The following HDAC4 variants were observed in gnomAD, a reference collection of about 807,000 sequenced individuals.
HDAC4 encodes histone deacetylase 4.
In HDAC4, 16 loss-of-function variants were observed where a neutral mutation model predicts 135.1. The ratio of observed to expected loss-of-function variants is 0.12; its 90% CI spans 0.08 to 0.18. HDAC4 has a LOEUF of 0.18. Ranked by LOEUF, HDAC4 falls within the 10% of genes least tolerant of loss-of-function variation. HDAC4 has a pLI of 1.00. For synonymous variants in HDAC4, 685 were observed against 653.4 expected, an observed-to-expected ratio of 1.05 and a Z score of -0.74; for missense variants, 1,143 against 1,511.8, an observed-to-expected ratio of 0.76 and a Z score of 4.05.
At chr2:239,347,527 T>C (rs575785990) in intron 2 of HDAC4, among the ~76,000 whole-genome samples, 1 of 152,236 alleles carries the variant, frequency 6.6e-6, no homozygotes, top group African/African-American at 2.4e-5. Flanking sequence ...CCTTTTTTTT[T>C]GTTTTGAGAC....
chr2:239,171,640 A>G (rs1398263649), intron 5 of HDAC4, among the ~76,000 whole-genome samples: 1 of 152,226 alleles, frequency 6.6e-6, no homozygotes, highest in Non-Finnish European at 1.5e-5. Context: ...GTATAAAACA[A>G]CAGATTTAGG....
intron 3 of HDAC4, among the ~76,000 whole-genome samples, chr2:239,228,656 A>C (rs2047376973): frequency 6.6e-6 from 1 of 152,270 alleles, no homozygotes; most frequent in African/African-American, 2.4e-5. Flanking sequence ...AGATATTGGG[A>C]AGGACTGGAG....
chr2:239,137,809 G>A (rs1478071170), intron 9 of HDAC4, among the ~76,000 whole-genome samples: 1 of 152,208 alleles, frequency 6.6e-6, no homozygotes, highest in African/African-American at 2.4e-5. Context: ...ACATGCAAAG[G>A]CTGCCCGTGC....
At chr2:239,393,132 C>T (rs572974874) in intron 1 of HDAC4, among the ~76,000 whole-genome samples, 10 of 152,298 alleles carry the variant, frequency 6.6e-5, no homozygotes, top group African/African-American at 2.2e-4. Flanking sequence ...GTGTGAGCCA[C>T]CTTCTTCACC....
At chr2:239,335,927 T>C (rs1489149774) in intron 2 of HDAC4, among the ~76,000 whole-genome samples, 3 of 152,184 alleles carry the variant, frequency 2.0e-5, no homozygotes, top group Non-Finnish European at 4.4e-5. Flanking sequence ...AATTGAAATA[T>C]ACAAGAATGT....
chr2:239,399,131 G>C (rs941005238), intron 1 of HDAC4, among the ~76,000 whole-genome samples: 2 of 152,138 alleles, frequency 1.3e-5, no homozygotes, highest in Admixed American at 6.5e-5. Flanking sequence ...GGGAAAGCCC[G>C]ATCAGTCTTA....
chr2:239,319,319 C>T (rs994480698), intron 2 of HDAC4, among the ~76,000 whole-genome samples: 5 of 152,252 alleles, frequency 3.3e-5, no homozygotes, highest in Non-Finnish European at 5.9e-5. Flanking sequence ...GGAAGCCACA[C>T]ACACCCAGAT....
chr2:239,222,033 G>A (rs962678411), intron 3 of HDAC4, among the ~76,000 whole-genome samples: 6 of 152,140 alleles, frequency 3.9e-5, no homozygotes, highest in Non-Finnish European at 7.4e-5. Context: ...ATCCAAATGC[G>A]GCTGTAAACT....
At chr2:239,184,283 A>ATGGTGG (rs1340615378) in intron 4 of HDAC4, among the ~76,000 whole-genome samples, 1 of 151,334 alleles carries the variant, frequency 6.6e-6, no homozygotes, top group Non-Finnish European at 1.5e-5. Context: ...GCTGTGCCCT[A>ATGGTGG]TGGGGGGGTC....
intron 1 of HDAC4, among the ~76,000 whole-genome samples, chr2:239,366,484 A>T (rs1694223925): frequency 6.6e-6 from 1 of 152,242 alleles, no homozygotes. Flanking sequence ...AGTCTGCGTA[A>T]GCATAAGAGT....
At chr2:239,347,086 C>T (rs1277894052) in intron 2 of HDAC4, among the ~76,000 whole-genome samples, 2 of 149,418 alleles carry the variant, frequency 1.3e-5, no homozygotes, top group Non-Finnish European at 2.9e-5. Flanking sequence ...CACCCTAACA[C>T]ACACTCTAAC....
intron 2 of HDAC4, among the ~76,000 whole-genome samples, chr2:239,332,377 A>T (rs1691646521): frequency 1.3e-5 from 2 of 152,326 alleles, no homozygotes; most frequent in African/African-American, 4.8e-5. Flanking sequence ...TAAAAACTGA[A>T]ATTACATAAA....
chr2:239,101,967 G>A (rs551809956), intron 16 of HDAC4, among the ~76,000 whole-genome samples: 3 of 150,084 alleles, frequency 2.0e-5, no homozygotes, highest in African/African-American at 7.4e-5. Flanking sequence ...TCTGGGTTCT[G>A]TGTCCTGGGA....
intron 2 of HDAC4, among the ~76,000 whole-genome samples, chr2:239,251,463 C>T (rs1021981278): frequency 1.3e-5 from 2 of 152,084 alleles, no homozygotes; most frequent in African/African-American, 4.8e-5. Context: ...GGTGTGGTGG[C>T]GTGTGACTGT....
chr2:239,067,603 G>A (rs991098801), intron 23 of HDAC4, among the ~76,000 whole-genome samples: 3 of 152,222 alleles, frequency 2.0e-5, no homozygotes, highest in African/African-American at 4.8e-5. Flanking sequence ...GCTGTGGGGC[G>A]TTGGGCACAG....
At chr2:239,380,891 G>A (rs117645261) in intron 1 of HDAC4, among the ~76,000 whole-genome samples, 4 of 152,176 alleles carry the variant, frequency 2.6e-5, no homozygotes, top group East Asian at 1.9e-4. Flanking sequence ...CGGTTTAAAC[G>A]TTCCCGTACA....
At chr2:239,084,472 C>T (rs2035681196) in intron 19 of HDAC4, among the ~76,000 whole-genome samples, 1 of 151,482 alleles carries the variant, frequency 6.6e-6, no homozygotes, top group Non-Finnish European at 1.5e-5. Flanking sequence ...CGCGCACACA[C>T]ACACACACAC....
At chr2:239,253,777 C>T (rs2048910785) in intron 2 of HDAC4, among the ~76,000 whole-genome samples, 1 of 152,180 alleles carries the variant, frequency 6.6e-6, no homozygotes, top group African/African-American at 2.4e-5. Flanking sequence ...TGAGCAGGTG[C>T]ACTAAGACCC....
At chr2:239,347,367 A>T (rs777384054) in intron 2 of HDAC4, among the ~76,000 whole-genome samples, 25 of 152,216 alleles carry the variant, frequency 1.6e-4, no homozygotes, top group Non-Finnish European at 3.5e-4. Flanking sequence ...TATTACCATG[A>T]ACTCACTCAT....
Sources: allele counts gnomAD v4.1 joint callset (sites outside exome capture counted in the v4.1 genomes callset), GRCh38; gene constraint gnomAD v4.1.1; transcripts MANE v1.5; gene names NCBI Gene and HGNC (gene_info 2026-07-23, HGNC 2026-07-21).